RCL1: variants seen among roughly 807,000 people sequenced by gnomAD.
The protein encoded by RCL1 is RNA 3'-terminal phosphate cyclase-like protein.
Under a neutral mutation model 42.4 loss-of-function variants are expected in RCL1, and 24 were observed. The ratio of observed to expected loss-of-function variants is 0.57; its 90% CI spans 0.41 to 0.80. RCL1 has a LOEUF of 0.80. RCL1 is among the 30% of genes least tolerant of loss of function. The pLI, the probability that RCL1 is intolerant of heterozygous loss-of-function variation, is 0.00. For synonymous variants in RCL1, 228 were observed against 177.3 expected (o/e 1.29, Z -2.27); for missense variants, 578 against 467.9 (o/e 1.24, Z -2.17).
chr9:4,815,184 A>G (rs10974798), intron 1 of RCL1, among the ~76,000 whole-genome samples: 14,512 of 151,940 alleles, frequency 0.096, 922 homozygotes, highest in Middle Eastern at 0.22. Context: ...CTTTTCACCT[A>G]TTTCATTTGG....
chr9:4,829,936 C>G (rs922437485), intron 3 of RCL1, among the ~76,000 whole-genome samples: 6 of 152,206 alleles, frequency 3.9e-5, no homozygotes, highest in African/African-American at 1.4e-4. Context: ...TAAGCTTCCT[C>G]TCTGCCCTCT....
chr9:4,855,303 A>G (rs1437691056), intron 8 of RCL1, among the ~76,000 whole-genome samples: 1 of 151,040 alleles, frequency 6.6e-6, no homozygotes, highest in African/African-American at 2.4e-5. Flanking sequence ...AAAAGCTGCT[A>G]TTTGCGCTGT....
chr9:4,806,482 G>C (rs2130975562), intron 1 of RCL1, among the ~76,000 whole-genome samples: 1 of 152,058 alleles, frequency 6.6e-6, no homozygotes, highest in African/African-American at 2.4e-5. Flanking sequence ...CAGTTGATGT[G>C]ACCATGTGAT....
intron 8 of RCL1, among the ~76,000 whole-genome samples, chr9:4,855,085 A>T (rs1817900474): frequency 6.6e-6 from 1 of 151,600 alleles, no homozygotes; most frequent in Non-Finnish European, 1.5e-5. Flanking sequence ...AGGAAAAGTT[A>T]TCTCTGTGCT....
intron 1 of RCL1, among the ~76,000 whole-genome samples, chr9:4,795,300 A>G (rs1842896542): frequency 6.6e-6 from 1 of 151,970 alleles, no homozygotes; most frequent in Non-Finnish European, 1.5e-5. Context: ...GCCAGGCTGT[A>G]TGAAACTGCT....
intron 1 of RCL1, among the ~76,000 whole-genome samples, chr9:4,806,040 G>GTGTT (rs1554636257): frequency 3.7e-4 from 51 of 136,374 alleles, no homozygotes; most frequent in Admixed American, 2.2e-3. Context: ...GTGTGTGTGT[G>GTGTT]TGTGTTTGTG....
intron 1 of RCL1, among the ~76,000 whole-genome samples, chr9:4,799,664 G>A (rs1842967130): frequency 6.6e-6 from 1 of 152,026 alleles, no homozygotes; most frequent in African/African-American, 2.4e-5. Context: ...GTAACCTTTG[G>A]ATTGGCTTTT....
At chr9:4,823,925 G>A (rs1166591377) in intron 2 of RCL1, among the ~76,000 whole-genome samples, 1 of 151,992 alleles carries the variant, frequency 6.6e-6, no homozygotes, top group Non-Finnish European at 1.5e-5. Context: ...AAAATACCGT[G>A]TTCCGATGGA....
chr9:4,844,416 T>C (rs1396439670), intron 6 of RCL1, 109 bp from the exon 7 acceptor site: 6 of 809,994 alleles, frequency 7.4e-6, no homozygotes, highest in Non-Finnish European at 9.9e-6. Context: ...AAAGAAGCCT[T>C]TGAACACAGT....
At position 4,827,023 on chromosome 9, in the gene RCL1, T is replaced by C. The variant is rs753480194; in HGVS notation, c.374T>C (p.Val125Ala). The C allele has an allele frequency of 6.2e-6, 10 of 1,614,206 alleles. No homozygotes were observed. The highest frequency in any genetic ancestry group is 8.5e-6 in the Non-Finnish European group (10 of 1,180,034). The stretch of plus-strand genomic sequence containing the variant: ...CTACGAGGAGTGACCAATGATCAGG[T>C]TGACCCTTCAGTGAGTATTGAGAAC... ...IVLRGVTNDQ[V>A]DPSVDVLKAT... Residue 125 changes from valine (V) to alanine (A), a missense_variant, in exon 3 of 9, where the codon GTT becomes GCT. Val to Ala is a moderately conservative substitution (Grantham distance 64). Coordinates refer to ENST00000381750, the MANE Select transcript of RCL1 (RefSeq NM_005772.5).
At chr9:4,823,730 C>A in intron 2 of RCL1, 111 bp downstream of exon 2, 1 of 689,414 alleles carries the variant, frequency 1.5e-6, no homozygotes, top group Non-Finnish European at 2.5e-6. Flanking sequence ...TTATCCAAAT[C>A]ACTCTTTTTA....
chr9:4,860,182 C>G lies in RCL1; in HGVS notation c.1029C>G (p.Thr343=), dbSNP rs116455289. ...SFFQIMFKIE[T]KPCGEELKGG... is the part of the protein sequence containing the mutation. ...TCCAGATTATGTTTAAAATTGAAACCAAGCCATGTGGTGAAGAACTCAAGG... is the reference window on the plus strand; with the variant it reads ...TCCAGATTATGTTTAAAATTGAAACGAAGCCATGTGGTGAAGAACTCAAGG... The change falls in exon 9 of 9, where the codon ACC becomes ACG. Residue 343 remains threonine, a synonymous_variant. Transcript: ENST00000381750. The G allele has an allele frequency of 3.2e-4, 518 of 1,609,376 alleles. 6 individuals are homozygous for G. In the East Asian group the frequency reaches 0.011, roughly 36 times the overall value.
At chr9:4,817,222 TA>T (rs1816413752) in intron 1 of RCL1, among the ~76,000 whole-genome samples, 1 of 152,222 alleles carries the variant, frequency 6.6e-6, no homozygotes. Context: ...GTCTTCTTTT[TA>T]GGTCCTTTTG....
intron 1 of RCL1, among the ~76,000 whole-genome samples, chr9:4,808,428 C>T (rs1484069593): frequency 6.6e-6 from 1 of 152,076 alleles, no homozygotes; most frequent in Non-Finnish European, 1.5e-5. Flanking sequence ...CTATTTCAGC[C>T]TCCCAAGTAG....
chr9:4,843,452 A>T (rs772918455), intron 6 of RCL1, among the ~76,000 whole-genome samples: 6 of 152,090 alleles, frequency 3.9e-5, no homozygotes, highest in Non-Finnish European at 7.4e-5. Flanking sequence ...ACCAGTGCAT[A>T]TCTCTAATGA....
intron 8 of RCL1, among the ~76,000 whole-genome samples, chr9:4,851,440 A>T (rs460631): frequency 6.6e-6 from 1 of 152,142 alleles, no homozygotes; most frequent in Non-Finnish European, 1.5e-5. Context: ...GATCTGTTTC[A>T]TACTCTTTCT....
intron 3 of RCL1, among the ~76,000 whole-genome samples, chr9:4,830,023 G>A (rs1004107027): frequency 2.6e-5 from 4 of 152,240 alleles, no homozygotes; most frequent in African/African-American, 9.6e-5. Flanking sequence ...TAAGGTGTGA[G>A]TGGGAGAAGA....
At chr9:4,849,114 C>A in intron 7 of RCL1, among the ~76,000 whole-genome samples, 1 of 148,608 alleles carries the variant, frequency 6.7e-6, no homozygotes, top group African/African-American at 2.5e-5. Context: ...TTTGCATATA[C>A]TCAATAAAGA....
Position 4,858,004 on chromosome 9 carries a change from C to T in RCL1, c.972-2121C>T, listed in dbSNP as rs906762966. 1.5e-5 allele frequency among the ~76,000 whole-genome samples: 2 copies of T among 131,320 alleles called. 1 individual carries two copies. Among genetic ancestry groups the T allele is most frequent in the Admixed American group, 1.8e-4 (2 of 10,894 alleles). The allele number at this position is 131,320 out of a possible 152,430, so 86.2% of individuals were successfully genotyped here. A position where few individuals can be genotyped will look rare whatever the true frequency, so the allele number is the denominator to read the frequency against. On this transcript the variant is annotated intron_variant, in intron 8 of 8. Coordinates refer to ENST00000381750, the MANE Select transcript of RCL1 (RefSeq NM_005772.5). The stretch of plus-strand genomic sequence containing the variant: ...GGAGTGCAGTGGTGCAATCATAGCT[C>T]GAGTAGCTAGGACTACAGGCTCCTG...
Sources: allele counts gnomAD v4.1 joint callset (sites outside exome capture counted in the v4.1 genomes callset), GRCh38; gene constraint gnomAD v4.1.1; transcripts MANE v1.5; gene names NCBI Gene and HGNC (gene_info 2026-07-23, HGNC 2026-07-21).